ZMIZ1: variants seen among roughly 807,000 people sequenced by gnomAD.
ZMIZ1 encodes zinc finger MIZ-type containing 1, also known as zinc finger MIZ domain-containing protein 1.
In ZMIZ1, 17 loss-of-function variants were observed where a neutral mutation model predicts 113.9. That is an observed-to-expected ratio of 0.15 (90% CI 0.10 to 0.22). ZMIZ1 has a LOEUF of 0.22. Ranked by LOEUF, ZMIZ1 falls within the 10% of genes least tolerant of loss-of-function variation. The pLI is 1.00. For missense variants in ZMIZ1, 1,059 were observed against 1,477.8 expected (o/e 0.72, Z 4.65); for synonymous variants, 607 against 603.1 (o/e 1.01, Z -0.09).
At chr10:79,268,504 G>A (rs753604658) in intron 7 of ZMIZ1, among the ~76,000 whole-genome samples, 8 of 152,328 alleles carry the variant, frequency 5.3e-5, no homozygotes, top group Admixed American at 1.3e-4. Flanking sequence ...CTTCCCAGTC[G>A]TCTCAGCATA....
At chr10:79,162,668 GA>G (rs1846162483) in intron 4 of ZMIZ1, among the ~76,000 whole-genome samples, 1 of 152,254 alleles carries the variant, frequency 6.6e-6, no homozygotes, top group Non-Finnish European at 1.5e-5. Context: ...ATGGGAATGA[GA>G]TGGCGGTGCC....
At chr10:79,131,375 C>T (rs1239883393) in intron 2 of ZMIZ1, among the ~76,000 whole-genome samples, 1 of 152,126 alleles carries the variant, frequency 6.6e-6, no homozygotes, top group Non-Finnish European at 1.5e-5. Context: ...GCTCAGCAGC[C>T]ACACTGGAAG....
intron 8 of ZMIZ1, among the ~76,000 whole-genome samples, chr10:79,279,304 GAC>G (rs891005563): frequency 3.3e-5 from 5 of 151,292 alleles, no homozygotes; most frequent in African/African-American, 1.2e-4. Context: ...GCGGGGCAGA[GAC>G]ACTCCTCAGT....
intron 7 of ZMIZ1, among the ~76,000 whole-genome samples, chr10:79,265,032 C>T (rs191703630): frequency 3.3e-4 from 50 of 152,270 alleles, no homozygotes; most frequent in Admixed American, 1.6e-3. Context: ...ATGGCCAAAC[C>T]GGTTTGGGAA....
intron 7 of ZMIZ1, among the ~76,000 whole-genome samples, chr10:79,225,921 C>T (rs1036685631): frequency 3.9e-5 from 6 of 152,152 alleles, no homozygotes; most frequent in African/African-American, 1.4e-4. Flanking sequence ...AATGATGAGG[C>T]CGTGGGTGTG....
intron 2 of ZMIZ1, among the ~76,000 whole-genome samples, chr10:79,133,692 G>C (rs1246325674): frequency 6.6e-6 from 1 of 152,166 alleles, no homozygotes; most frequent in East Asian, 1.9e-4. Context: ...TATTCCTTGG[G>C]CACTGAAGCT....
intron 2 of ZMIZ1, among the ~76,000 whole-genome samples, chr10:79,121,691 C>A (rs955132428): frequency 6.6e-6 from 1 of 152,140 alleles, no homozygotes; most frequent in Non-Finnish European, 1.5e-5. Flanking sequence ...GGGTGTGGGA[C>A]CACAGCACAG....
chr10:79,138,421 C>A (rs1302709684), intron 2 of ZMIZ1, among the ~76,000 whole-genome samples: 2 of 152,222 alleles, frequency 1.3e-5, no homozygotes, highest in African/African-American at 4.8e-5. Context: ...GGGAAAGACG[C>A]CATTTTGGGC....
At chr10:79,200,217 C>T (rs1818652611) in intron 4 of ZMIZ1, among the ~76,000 whole-genome samples, 1 of 152,206 alleles carries the variant, frequency 6.6e-6, no homozygotes, top group Non-Finnish European at 1.5e-5. Flanking sequence ...TGGGTGTGAT[C>T]CAAGTGTCTG....
At chr10:79,164,675 A>G (rs1846249864) in intron 4 of ZMIZ1, among the ~76,000 whole-genome samples, 1 of 152,160 alleles carries the variant, frequency 6.6e-6, no homozygotes, top group Non-Finnish European at 1.5e-5. Context: ...CAACTTTCCA[A>G]GAGTCTGAGC....
At chr10:79,152,626 C>T (rs546971371) in intron 3 of ZMIZ1, among the ~76,000 whole-genome samples, 1 of 152,358 alleles carries the variant, frequency 6.6e-6, no homozygotes, top group South Asian at 2.1e-4. Flanking sequence ...CTTTCTCCGC[C>T]CTGCCCGGAT....
chr10:79,212,771 A>G (rs542690535), intron 6 of ZMIZ1, among the ~76,000 whole-genome samples: 2 of 149,428 alleles, frequency 1.3e-5, no homozygotes, highest in East Asian at 1.9e-4. Context: ...AAAAAAAAAG[A>G]AAAAAAAAAT....
chr10:79,181,743 C>G (rs1283256399), intron 4 of ZMIZ1, among the ~76,000 whole-genome samples: 3 of 152,270 alleles, frequency 2.0e-5, no homozygotes, highest in Non-Finnish European at 2.9e-5. Context: ...GAGCCCATCC[C>G]TCCCTGCTCT....
chr10:79,249,309 T>C (rs1850400999), intron 7 of ZMIZ1, among the ~76,000 whole-genome samples: 1 of 152,190 alleles, frequency 6.6e-6, no homozygotes, highest in Admixed American at 6.5e-5. Flanking sequence ...CTTCCTGTCA[T>C]CCCTTGCCCA....
At chr10:79,082,407 T>C (rs972649515) in intron 1 of ZMIZ1, among the ~76,000 whole-genome samples, 1 of 152,208 alleles carries the variant, frequency 6.6e-6, no homozygotes, top group Non-Finnish European at 1.5e-5. Context: ...CAGGCTCATT[T>C]GGTGGCCTAG....
At chr10:79,189,284 C>T (rs936907869) in intron 4 of ZMIZ1, among the ~76,000 whole-genome samples, 3 of 152,208 alleles carry the variant, frequency 2.0e-5, no homozygotes, top group Non-Finnish European at 1.5e-5. Context: ...CCCTGTTGAG[C>T]TCATGGTATG....
chr10:79,210,743 T>C (rs1484957015), intron 6 of ZMIZ1, among the ~76,000 whole-genome samples: 1 of 152,060 alleles, frequency 6.6e-6, no homozygotes, highest in African/African-American at 2.4e-5. Context: ...GTCTGGGCAT[T>C]ATTTGGAGGG....
chr10:79,100,356 A>C (rs1843315927), intron 1 of ZMIZ1, among the ~76,000 whole-genome samples: 1 of 151,682 alleles, frequency 6.6e-6, no homozygotes, highest in Non-Finnish European at 1.5e-5. Flanking sequence ...CCTGTAATCC[A>C]GCACTTTGGG....
At chr10:79,087,241 A>AT (rs1842847002) in intron 1 of ZMIZ1, among the ~76,000 whole-genome samples, 1 of 152,188 alleles carries the variant, frequency 6.6e-6, no homozygotes. Context: ...GTATTAGATG[A>AT]TTTTTTGGCA....
Sources: gnomAD v4.1 joint callset for allele counts (sites outside exome capture counted in the v4.1 genomes callset) on GRCh38, gnomAD v4.1.1 for gene constraint, MANE v1.5 for transcripts, NCBI Gene and HGNC (gene_info 2026-07-23, HGNC 2026-07-21) for gene names.